The following WRN variants were observed in gnomAD, a reference collection of about 807,000 sequenced individuals.
WRN encodes the protein WRN RecQ like helicase.
A neutral mutation model predicts 180.7 loss-of-function variants in WRN; 149 were observed. That is an observed-to-expected ratio of 0.82 (90% CI 0.72 to 0.94). The LOEUF (loss-of-function observed/expected upper bound fraction) is 0.94. Among genes scored for constraint, WRN ranks in the 40% least tolerant of loss-of-function variants. The pLI, the probability that WRN is intolerant of heterozygous loss-of-function variation, is 0.00. For synonymous variants in WRN, 548 were observed against 568.9 expected, an observed-to-expected ratio of 0.96 and a Z score of 0.52; for missense variants, 1,661 against 1,700.1, an observed-to-expected ratio of 0.98 and a Z score of 0.40.
intron 8 of WRN, among the ~76,000 whole-genome samples, chr8:31,078,412 T>A (rs1813176928): frequency 6.6e-6 from 1 of 152,168 alleles, no homozygotes; most frequent in Admixed American, 6.5e-5. Flanking sequence ...ACTTTCGGCA[T>A]TTCTGTGGAG....
At chr8:31,035,222 T>C (rs972522886) in intron 1 of WRN, among the ~76,000 whole-genome samples, 2 of 152,000 alleles carry the variant, frequency 1.3e-5, no homozygotes, top group African/African-American at 4.8e-5. Context: ...AGTAAAATTA[T>C]AGGATGACAG....
intron 33 of WRN, among the ~76,000 whole-genome samples, chr8:31,160,130 A>T (rs116796665): frequency 1.3e-5 from 2 of 152,122 alleles, no homozygotes; most frequent in Non-Finnish European, 2.9e-5. Flanking sequence ...ATTGGGAAAA[A>T]TTTATATTTG....
intron 7 of WRN, among the ~76,000 whole-genome samples, chr8:31,071,534 T>G (rs1199438216): frequency 1.3e-5 from 2 of 152,144 alleles, no homozygotes; most frequent in Non-Finnish European, 2.9e-5. Flanking sequence ...CAGGCTGGAG[T>G]GCAGTGATGC....
intron 8 of WRN, among the ~76,000 whole-genome samples, chr8:31,078,260 CGA>C (rs1469410357): frequency 1.4e-4 from 21 of 152,066 alleles, no homozygotes; most frequent in Admixed American, 1.4e-3. Flanking sequence ...AGTGTGAAAA[CGA>C]TAACTAGTCT....
chr8:31,057,428 G>A (rs1812312895), intron 1 of WRN, among the ~76,000 whole-genome samples: 1 of 152,002 alleles, frequency 6.6e-6, no homozygotes, highest in African/African-American at 2.4e-5. Context: ...AAAATTAGCC[G>A]GGCTTGGTGG....
chr8:31,046,768 A>G (rs1811880659), intron 1 of WRN, among the ~76,000 whole-genome samples: 1 of 152,210 alleles, frequency 6.6e-6, no homozygotes, highest in Non-Finnish European at 1.5e-5. Context: ...TTTGATGTGA[A>G]GCAGGAGACA....
At chr8:31,117,860 A>G (rs1350202870) in intron 20 of WRN, among the ~76,000 whole-genome samples, 4 of 152,252 alleles carry the variant, frequency 2.6e-5, no homozygotes, top group East Asian at 1.9e-4. Context: ...TACCATTCAC[A>G]GCTGTTTAGA....
chr8:31,156,665 G>A (rs905835356), intron 32 of WRN, among the ~76,000 whole-genome samples: 5 of 152,206 alleles, frequency 3.3e-5, no homozygotes, highest in African/African-American at 1.2e-4. Flanking sequence ...CATGAAATAA[G>A]TTAGAGCTGA....
chr8:31,166,893 A>G, intron 33 of WRN, 129 bp from the exon 34 acceptor site: 1 of 895,106 alleles, frequency 1.1e-6, no homozygotes, highest in South Asian at 1.8e-5. Context: ...AGGCATTTGA[A>G]AGAGGAAACT....
chr8:31,090,836 T>C lies in WRN; in HGVS notation c.1723T>C (p.Tyr575His). The C allele has an allele frequency of 1.2e-6, 2 of 1,605,878 alleles. No homozygotes were observed. Among genetic ancestry groups the C allele is most frequent in the Non-Finnish European group, 1.7e-6 (2 of 1,175,104 alleles). The change falls in exon 15 of 35, where the codon TAT becomes CAT. Residue 575 changes from tyrosine (Y) to histidine (H), a missense_variant and splice_region_variant. Physicochemically the swap from Tyr to His is moderately conservative, Grantham distance 83. Coordinates refer to ENST00000298139, the MANE Select transcript of WRN (RefSeq NM_000553.6). ...TTTTATATTTTTTTCATTTCAAGGA[T>C]ATGGAAAGAGTTTGTGCTTCCAGTA... ...RDNVAVMATG[Y>H]GKSLCFQYPP... is the part of the protein sequence containing the mutation.
intron 19 of WRN, among the ~76,000 whole-genome samples, chr8:31,114,775 TCTG>T (rs1233317284): frequency 6.6e-6 from 1 of 152,182 alleles, no homozygotes; most frequent in Non-Finnish European, 1.5e-5. Context: ...ATTTAAAGTA[TCTG>T]CTATCTTTCC....
chr8:31,079,135 T>C (rs1813205783), intron 8 of WRN, among the ~76,000 whole-genome samples: 1 of 152,234 alleles, frequency 6.6e-6, no homozygotes, highest in African/African-American at 2.4e-5. Context: ...ATTAGTGTGC[T>C]TTTAGTTTTT....
chr8:31,147,496 T>A lies in WRN; in HGVS notation c.3572+20T>A. On this transcript the variant is annotated intron_variant, in intron 30 of 34. Transcript: ENST00000298139. ...AATGAGGTAAACTATCTTTTGCATGTGTTCTATTTATTTCCTTCTAACAAA... is the reference window on the plus strand; with the variant it reads ...AATGAGGTAAACTATCTTTTGCATGAGTTCTATTTATTTCCTTCTAACAAA... The A allele has an allele frequency of 6.8e-7, 1 of 1,461,078 alleles. No individual in the cohort carries two copies. The highest frequency in any genetic ancestry group is 9.0e-7 in the Non-Finnish European group (1 of 1,105,902). 90.5% of individuals were successfully genotyped at this position (1,461,078 alleles called of 1,614,324 possible).
intron 24 of WRN, among the ~76,000 whole-genome samples, chr8:31,139,491 G>A (rs1802522741): frequency 6.6e-6 from 1 of 152,184 alleles, no homozygotes; most frequent in Admixed American, 6.5e-5. Context: ...CAAGGGAGCT[G>A]TGGCCTCTTC....
At chr8:31,123,698 CGTT>C (rs577933353) in intron 21 of WRN, among the ~76,000 whole-genome samples, 81 of 152,120 alleles carry the variant, frequency 5.3e-4, no homozygotes, top group African/African-American at 1.9e-3. Flanking sequence ...ATAAGTAAAT[CGTT>C]GTTTTCTTTT....
At chr8:31,076,348 T>G in intron 8 of WRN, 61 bp downstream of exon 8, 1 of 1,383,066 alleles carries the variant, frequency 7.2e-7, no homozygotes, top group South Asian at 1.2e-5. Context: ...TTTATCACAT[T>G]TTCCTATATG....
chr8:31,160,116 A>T (rs1803553918), intron 33 of WRN, among the ~76,000 whole-genome samples: 1 of 152,202 alleles, frequency 6.6e-6, no homozygotes, highest in South Asian at 2.1e-4. Context: ...GAAAGGCATT[A>T]AAAATTGGGA....
At chr8:31,052,260 G>A (rs1463497609) in intron 1 of WRN, among the ~76,000 whole-genome samples, 1 of 152,020 alleles carries the variant, frequency 6.6e-6, no homozygotes, top group Non-Finnish European at 1.5e-5. Context: ...TAGAAAAGTT[G>A]GAATATATAG....
intron 3 of WRN, among the ~76,000 whole-genome samples, chr8:31,062,917 A>G (rs1163159524): frequency 2.0e-5 from 3 of 151,788 alleles, no homozygotes; most frequent in African/African-American, 7.2e-5. Flanking sequence ...TGCAGCCTCA[A>G]CCTTATGGGC....
Sources: allele counts gnomAD v4.1 joint callset (sites outside exome capture counted in the v4.1 genomes callset), GRCh38; gene constraint gnomAD v4.1.1; transcripts MANE v1.5; gene names NCBI Gene and HGNC (gene_info 2026-07-23, HGNC 2026-07-21).